The following GLI1 variants were observed in gnomAD, a reference collection of about 807,000 sequenced individuals.
GLI1 encodes GLI family zinc finger 1.
GLI1 carries 51 observed loss-of-function variants against 87.8 expected under a neutral mutation model. The observed-to-expected ratio is 0.58, with a 90% CI of 0.46 to 0.73. The LOEUF is 0.73. GLI1 is among the 30% of genes least tolerant of loss of function. The pLI, the probability that GLI1 is intolerant of heterozygous loss-of-function variation, is 0.00. For missense variants in GLI1, 1,292 were observed against 1,437.2 expected (o/e 0.90, Z 1.63); for synonymous variants, 528 against 558.2 (o/e 0.95, Z 0.76).
Position 57,471,050 on chromosome 12 carries a change from C to A in GLI1, c.2310C>A (p.Ala770=). ...NYGPNPCPQQ[A]SYPDPTQETW... Reference sequence around the variant, plus strand: ...GCCCCAACCCCTGTCCCCAGCAGGCCTCATATCCTGACCCCACCCAAGAAA... The same window carrying A: ...GCCCCAACCCCTGTCCCCAGCAGGCATCATATCCTGACCCCACCCAAGAAA... The change falls in exon 12 of 12, where the codon GCC becomes GCA. Residue 770 remains alanine, a synonymous_variant. Transcript: ENST00000228682. The surrounding 1 kb of genome is among the most constrained non-coding windows in gnomAD (Gnocchi z 4.9). 6.2e-7 allele frequency: 1 copy of A among 1,611,106 alleles called. No homozygotes were observed. The highest frequency in any genetic ancestry group is 8.5e-7 in the Non-Finnish European group (1 of 1,178,404).
chr12:57,465,309 G>T, intron 5 of GLI1, 54 bp downstream of exon 5: 6 of 1,436,086 alleles, frequency 4.2e-6, no homozygotes, highest in South Asian at 1.3e-5. Flanking sequence ...TGGGTGGGTG[G>T]TGGATTTTGT....
At chr12:57,469,739 G>A (rs1871745261) in intron 11 of GLI1, 41 bp downstream of exon 11, 1 of 1,596,756 alleles carries the variant, frequency 6.3e-7, no homozygotes. Flanking sequence ...GGTGAGATCT[G>A]GACCTGCCCT....
chr12:57,467,322 A>G lies in GLI1; in HGVS notation c.913-11A>G, dbSNP rs2139858622. ...CTGAGAACTATCCTTTGACCCCTGCATGTCCCCCAGTTTGAAGGGTGCCGG... is the reference window on the plus strand; with the variant it reads ...CTGAGAACTATCCTTTGACCCCTGCGTGTCCCCCAGTTTGAAGGGTGCCGG... On this transcript the variant is annotated splice_polypyrimidine_tract_variant and intron_variant, in intron 8 of 11. Transcript: ENST00000228682. 6.3e-7 allele frequency: 1 copy of G among 1,598,240 alleles called. No homozygotes were observed. Among genetic ancestry groups the G allele is most frequent in the Non-Finnish European group, 8.6e-7 (1 of 1,168,122 alleles).
At position 57,467,431 on chromosome 12, in the gene GLI1, C is replaced by T. The variant is rs1304673813; in HGVS notation, c.1011C>T (p.Gly337=). ...AGCCATACATGTGTGAGCACGAGGG[C>T]TGCAGTAAAGCCTTCAGCAATGCCA... ...GEKPYMCEHE[G]CSKAFSNASD... is the part of the protein sequence containing the mutation. Residue 337 remains glycine (G), a synonymous_variant, in exon 9 of 12, where the codon GGC becomes GGT. Coordinates refer to ENST00000228682, the MANE Select transcript of GLI1 (RefSeq NM_005269.3). 1 of 1,612,844 alleles carries T rather than the reference C, an allele frequency of 6.2e-7. No individual in the cohort carries two copies. Among genetic ancestry groups the T allele is most frequent in the Non-Finnish European group, 8.5e-7 (1 of 1,179,012 alleles).
At chr12:57,462,769 A>G (rs1273901549) in intron 1 of GLI1, among the ~76,000 whole-genome samples, 3 of 152,170 alleles carry the variant, frequency 2.0e-5, no homozygotes, top group Non-Finnish European at 2.9e-5. Flanking sequence ...TTTTCTGTCT[A>G]AGAGGGCAGA....
chr12:57,460,785 G>A, intron 1 of GLI1, among the ~76,000 whole-genome samples: 1 of 150,290 alleles, frequency 6.7e-6, no homozygotes. Context: ...GGGCGGGGGG[G>A]GGCTGTCCAA....
At chr12:57,466,412 C>G in intron 8 of GLI1, 23 bp downstream of exon 8, 6 of 1,590,864 alleles carry the variant, frequency 3.8e-6, no homozygotes, top group Non-Finnish European at 5.2e-6. Context: ...TGTCCCAAGT[C>G]CAGGGTCTCT....
intron 5 of GLI1, 115 bp from the exon 6 acceptor site, chr12:57,465,492 C>T (rs1309233115): frequency 2.3e-6 from 2 of 877,580 alleles, no homozygotes; most frequent in Admixed American, 2.2e-5. Context: ...CCTTCCAAAC[C>T]CAGGAGGTTC....
Position 57,467,495 on chromosome 12 carries a change from G to A in GLI1, c.1075G>A (p.Glu359Lys), listed in dbSNP as rs760726253. Reference sequence around the variant, plus strand: ...GCACCAGAATCGGACCCATTCCAATGAGGTGAATGCCCTAACTAAGCGACC... The same window carrying A: ...GCACCAGAATCGGACCCATTCCAATAAGGTGAATGCCCTAACTAAGCGACC... ...AKHQNRTHSNEKPYVCKLPGC... is the reference protein window; with the variant it reads ...AKHQNRTHSNKKPYVCKLPGC... The change falls in exon 9 of 12, where the codon GAG becomes AAG. Residue 359 changes from glutamate to lysine, a missense_variant and splice_region_variant. By Grantham distance (56) the Glu-to-Lys change is moderately conservative. This residue lies in a region of GLI1 where 897 missense variants were observed against 1,040.7 expected (regional missense o/e 0.86). Transcript: ENST00000228682. The A allele has an allele frequency of 8.1e-6, 13 of 1,598,854 alleles. No homozygotes were observed. Among genetic ancestry groups the A allele is most frequent in the Non-Finnish European group, 1.1e-5 (13 of 1,168,084 alleles).
In GLI1 at chr12:57,465,784, C is replaced by T. The variant is rs781119094; in HGVS notation, c.625-4C>T. ...TGACCCTGAGATTGCCTCTCTTGCC[C>T]TAGGATCCCCTGTTGGGGATGCTGG... On this transcript the variant is annotated splice_region_variant and splice_polypyrimidine_tract_variant and intron_variant, in intron 6 of 11. Coordinates refer to ENST00000228682, the MANE Select transcript of GLI1 (RefSeq NM_005269.3). 4 of 1,614,014 alleles carry T rather than the reference C, an allele frequency of 2.5e-6. No homozygotes were observed. The South Asian group carries it at 4.4e-5, about 18-fold the overall frequency.
intron 10 of GLI1, among the ~76,000 whole-genome samples, 189 bp downstream of exon 10, chr12:57,468,413 A>G (rs1942152750): frequency 6.7e-6 from 1 of 150,174 alleles, no homozygotes. Flanking sequence ...TTTCTGTCTC[A>G]CTCTCTCACT....
chr12:57,463,990 T>C lies in GLI1; in HGVS notation c.101-9T>C. The C allele has an allele frequency of 6.2e-7, 1 of 1,607,326 alleles. No individual in the cohort carries two copies. Among genetic ancestry groups the C allele is most frequent in the African/African-American group, 1.3e-5 (1 of 74,808 alleles). ...CTCCATTCCCATTCCAGCTGTCTCT[T>C]TTTTCTAGGACTGTCTGGCCCGCCC... is the stretch of plus-strand genomic sequence containing the variant. On this transcript the variant is annotated splice_polypyrimidine_tract_variant and intron_variant, in intron 2 of 11. Coordinates refer to ENST00000228682, the MANE Select transcript of GLI1 (RefSeq NM_005269.3).
rs201845227 is a variant in GLI1, at chr12:57,470,409, C to T, written c.1669C>T (p.Arg557Cys). Reference protein sequence around the residue: ...SSISSAYTVSRRSSLASPFPP... With the variant: ...SSISSAYTVSCRSSLASPFPP... Reference sequence around the variant, plus strand: ...CATCAGCTCTGCCTATACTGTCAGCCGCCGCTCCTCCCTGGCCTCTCCTTT... The same window carrying T: ...CATCAGCTCTGCCTATACTGTCAGCTGCCGCTCCTCCCTGGCCTCTCCTTT... The change falls in exon 12 of 12, where the codon CGC becomes TGC. Residue 557 changes from arginine to cysteine, a missense_variant. Coordinates refer to ENST00000228682, the MANE Select transcript of GLI1 (RefSeq NM_005269.3). 1.0e-4 allele frequency: 162 copies of T among 1,613,932 alleles called. No individual in the cohort carries two copies. Among genetic ancestry groups the T allele is most frequent in the East Asian group, 7.1e-4 (32 of 44,890 alleles).
Position 57,468,108 on chromosome 12 carries a change from C to A in GLI1, c.1192C>A (p.Arg398Ser). 1.9e-6 allele frequency: 3 copies of A among 1,614,124 alleles called. No individual in the cohort carries two copies. The highest frequency in any genetic ancestry group is 2.5e-6 in the Non-Finnish European group (3 of 1,179,980). Residue 398 changes from arginine to serine, a missense_variant, in exon 10 of 12, where the codon CGT becomes AGT. By Grantham distance (110) the Arg-to-Ser change is moderately radical. Coordinates refer to ENST00000228682, the MANE Select transcript of GLI1 (RefSeq NM_005269.3). The stretch of plus-strand genomic sequence containing the variant: ...TGACGCCCATGTGACCAAACGGCAC[C>A]GTGGGGATGGCCCCCTGCCTCGGGC... ...GPDAHVTKRHRGDGPLPRAPS... is the reference protein window; with the variant it reads ...GPDAHVTKRHSGDGPLPRAPS...
At chr12:57,465,295 A>G in intron 5 of GLI1, 40 bp downstream of exon 5, 1 of 991,748 alleles carries the variant, frequency 1.0e-6, no homozygotes, top group Non-Finnish European at 1.5e-6. Context: ...CCCTCAGCTC[A>G]GGGTGGGTGG....
At chr12:57,469,985 G>A (rs1256718348) in intron 11 of GLI1, among the ~76,000 whole-genome samples, 2 of 152,114 alleles carry the variant, frequency 1.3e-5, no homozygotes, top group African/African-American at 4.8e-5. Flanking sequence ...CTGAGATTGC[G>A]CCATTGCACT....
intron 7 of GLI1, 31 bp from the exon 8 acceptor site, chr12:57,466,209 C>G (rs780146899): frequency 1.3e-6 from 2 of 1,598,100 alleles, no homozygotes; most frequent in African/African-American, 2.7e-5. Context: ...CATGGGAGAG[C>G]CTTGGAGAGC....
chr12:57,466,429 A>G, intron 8 of GLI1, 40 bp downstream of exon 8: 1 of 1,547,498 alleles, frequency 6.5e-7, no homozygotes, highest in Non-Finnish European at 8.8e-7. Context: ...CTCTTCCTAA[A>G]TCAGGGCTCT....
In GLI1 at chr12:57,465,691, A is replaced by G; in HGVS notation, c.619A>G (p.Ile207Val). The G allele has an allele frequency of 6.2e-7, 1 of 1,613,950 alleles. No individual in the cohort carries two copies. Among genetic ancestry groups the G allele is most frequent in the East Asian group, 2.2e-5 (1 of 44,892 alleles). ...GDMSSPNSTG[I>V]QDPLLGMLDG... ...TATGTCCAGCCCCAACTCCACAGGCATACAGGTAAGGGGATGGGCAGGAGC... is the reference window on the plus strand; with the variant it reads ...TATGTCCAGCCCCAACTCCACAGGCGTACAGGTAAGGGGATGGGCAGGAGC... The change falls in exon 6 of 12, where the codon ATA (isoleucine) becomes GTA (valine). Residue 207 changes from isoleucine (I) to valine (V), a missense_variant. By Grantham distance (29) the Ile-to-Val change is conservative. This residue lies in a region of GLI1 where 383 missense variants were observed against 368.4 expected (regional missense o/e 1.04). Transcript: ENST00000228682.
Sources: allele counts gnomAD v4.1 joint callset (sites outside exome capture counted in the v4.1 genomes callset), GRCh38; gene constraint gnomAD v4.1.1; regional missense constraint gnomAD v4.1.1; non-coding constraint Gnocchi (gnomAD v3.1); transcripts MANE v1.5; gene names NCBI Gene and HGNC (gene_info 2026-07-23, HGNC 2026-07-21).